SLC39A11: variants seen among roughly 807,000 people sequenced by gnomAD.
SLC39A11 encodes the protein zinc transporter ZIP11.
In SLC39A11, 33 loss-of-function variants were observed where a neutral mutation model predicts 36.1. The observed-to-expected ratio is 0.91, with a 90% CI of 0.69 to 1.22. The LOEUF (loss-of-function observed/expected upper bound fraction) is 1.22, where lower values mean the gene tolerates loss of function less well. SLC39A11 is among the 50% of genes most tolerant of loss of function. SLC39A11 has a pLI of 0.00. For synonymous variants in SLC39A11, 166 were observed against 170.3 expected (o/e 0.97, Z 0.20); for missense variants, 432 against 430.3 (o/e 1.00, Z -0.03).
At chr17:72,978,318 G>A (rs1361276758) in intron 4 of SLC39A11, among the ~76,000 whole-genome samples, 2 of 152,214 alleles carry the variant, frequency 1.3e-5, no homozygotes, top group South Asian at 2.1e-4. Flanking sequence ...TGGTGTTGGC[G>A]ACACGGCCAA....
At chr17:72,874,455 G>A (rs761735042) in intron 5 of SLC39A11, among the ~76,000 whole-genome samples, 6 of 152,138 alleles carry the variant, frequency 3.9e-5, no homozygotes, top group Non-Finnish European at 5.9e-5. Context: ...AAGCTGAGGC[G>A]TCCATCTGCA....
chr17:73,058,782 ATC>A (rs2059750312), intron 3 of SLC39A11, among the ~76,000 whole-genome samples: 1 of 152,160 alleles, frequency 6.6e-6, no homozygotes, highest in African/African-American at 2.4e-5. Context: ...CTTTTGTAGG[ATC>A]TGTCTTTTGG....
Position 72,917,281 on chromosome 17 carries a change from G to A in SLC39A11, c.430+30471C>T, listed in dbSNP as rs186429527. On this transcript the variant is annotated intron_variant, in intron 5 of 9. Transcript: ENST00000255559. Reference sequence around the variant, plus strand: ...AAATCATTCTGCTTTCCCAGCATTTGCTAAGCATCTGTCAGGCGCCAAGCA... The same window carrying A: ...AAATCATTCTGCTTTCCCAGCATTTACTAAGCATCTGTCAGGCGCCAAGCA... Among the ~76,000 whole-genome samples, 7 of 152,346 alleles carry A rather than the reference G, an allele frequency of 4.6e-5. 1 individual carries two copies. Among genetic ancestry groups the A allele is most frequent in the Admixed American group, 3.3e-4 (5 of 15,294 alleles).
chr17:73,071,632 T>G (rs913966728), intron 3 of SLC39A11, among the ~76,000 whole-genome samples: 22 of 152,206 alleles, frequency 1.4e-4, no homozygotes, highest in Non-Finnish European at 2.8e-4. Context: ...TCATAAACAT[T>G]GCATCAGGGG....
chr17:72,827,594 G>T (rs1340209745), intron 6 of SLC39A11, among the ~76,000 whole-genome samples: 1 of 152,244 alleles, frequency 6.6e-6, no homozygotes, highest in African/African-American at 2.4e-5. Context: ...CCCAGGTGGG[G>T]AGACACCAGG....
chr17:72,855,098 G>C (rs1440223646), intron 5 of SLC39A11, among the ~76,000 whole-genome samples: 1 of 152,206 alleles, frequency 6.6e-6, no homozygotes, highest in Non-Finnish European at 1.5e-5. Context: ...AAACCATTTT[G>C]GATCAGCAAC....
intron 5 of SLC39A11, among the ~76,000 whole-genome samples, chr17:72,910,763 C>A (rs942027822): frequency 8.5e-6 from 1 of 117,186 alleles, no homozygotes; most frequent in African/African-American, 3.1e-5. Context: ...CTCATCTCTA[C>A]TAAAAATATA....
chr17:73,000,752 C>G (rs2148389451), intron 4 of SLC39A11, among the ~76,000 whole-genome samples: 1 of 152,350 alleles, frequency 6.6e-6, no homozygotes, highest in South Asian at 2.1e-4. Context: ...TAAAATCCTA[C>G]ATTGACTCTC....
chr17:73,062,475 A>AAAAAAAAAAAAAAAAAAC (rs56021607), intron 3 of SLC39A11, among the ~76,000 whole-genome samples: 6,262 of 86,414 alleles, frequency 0.072, 1,292 homozygotes, highest in African/African-American at 0.084. Flanking sequence ...AAAAAAAAAA[A>AAAAAAAAAAAAAAAAAAC]AAACTTTAGG....
chr17:73,021,937 C>A (rs74463211), intron 4 of SLC39A11, among the ~76,000 whole-genome samples: 1 of 152,236 alleles, frequency 6.6e-6, no homozygotes, highest in African/African-American at 2.4e-5. Context: ...AGCCAGCCCA[C>A]GCAGTGCGTG....
At chr17:72,676,116 AG>A (rs1237556408) in intron 7 of SLC39A11, among the ~76,000 whole-genome samples, 3 of 150,344 alleles carry the variant, frequency 2.0e-5, no homozygotes, top group Non-Finnish European at 4.4e-5. Flanking sequence ...GCTGTATTAA[AG>A]CAACTCTCTT....
At chr17:73,021,929 C>T in intron 4 of SLC39A11, among the ~76,000 whole-genome samples, 1 of 152,268 alleles carries the variant, frequency 6.6e-6, no homozygotes, top group East Asian at 1.9e-4. Context: ...CCTCAGCAAG[C>T]CAGCCCACGC....
At position 72,685,218 on chromosome 17, in the gene SLC39A11, C is replaced by T. The variant is rs1010812296; in HGVS notation, c.672-35950G>A. Among the ~76,000 whole-genome samples the T allele has an allele frequency of 1.6e-4, 22 of 137,238 alleles. 1 individual carries two copies. The highest frequency in any genetic ancestry group is 9.5e-4 in the Admixed American group (13 of 13,722). The allele number at this position is 137,238 out of a possible 152,430, so 90.0% of individuals were successfully genotyped here. ...GGTGGTATGCAAACAGATACCCCCA[C>T]GCTGGACACTCTGCTCCGATGCTAC... On this transcript the variant is annotated intron_variant, in intron 7 of 9. Transcript: ENST00000255559.
chr17:72,713,294 G>A (rs1029505673), intron 7 of SLC39A11, among the ~76,000 whole-genome samples: 1 of 152,148 alleles, frequency 6.6e-6, no homozygotes, highest in Non-Finnish European at 1.5e-5. Context: ...GCCAAGCACA[G>A]GTGAGCAGCA....
intron 6 of SLC39A11, among the ~76,000 whole-genome samples, chr17:72,766,668 T>C (rs968240169): frequency 1.3e-5 from 2 of 152,214 alleles, no homozygotes; most frequent in African/African-American, 4.8e-5. Flanking sequence ...CAGAGAAACC[T>C]TTCCTGGCCT....
intron 6 of SLC39A11, 103 bp downstream of exon 6, chr17:72,849,530 AC>A: frequency 8.1e-7 from 1 of 1,227,646 alleles, no homozygotes; most frequent in East Asian, 2.6e-5. Flanking sequence ...TCCAAAAAGG[AC>A]CCACGTCACA....
At chr17:72,689,756 C>G (rs1025172390) in intron 7 of SLC39A11, among the ~76,000 whole-genome samples, 1 of 152,090 alleles carries the variant, frequency 6.6e-6, no homozygotes, top group African/African-American at 2.4e-5. Flanking sequence ...TCCATAGCAA[C>G]GGTAGATGGA....
In SLC39A11 at chr17:72,858,751, T is replaced by C. The variant is rs116671981; in HGVS notation, c.431-8947A>G. 6.2e-3 allele frequency among the ~76,000 whole-genome samples: 949 copies of C among 152,278 alleles called. 9 individuals carry two copies. Among genetic ancestry groups the C allele is most frequent in the African/African-American group, 0.022 (900 of 41,564 alleles). On this transcript the variant is annotated intron_variant, in intron 5 of 9. Coordinates refer to ENST00000255559, the MANE Select transcript of SLC39A11 (RefSeq NM_139177.4). ...TTCTTCTGGGGTCAATTGTGAATGG[T>C]ATTGCGTTCCTGGTTTGGTTCTCAG...
At chr17:72,788,709 G>C (rs532013189) in intron 6 of SLC39A11, among the ~76,000 whole-genome samples, 1 of 152,230 alleles carries the variant, frequency 6.6e-6, no homozygotes, top group Non-Finnish European at 1.5e-5. Flanking sequence ...ATGAGCCAAT[G>C]GTATACATTT....
Sources: allele counts gnomAD v4.1 joint callset (sites outside exome capture counted in the v4.1 genomes callset), GRCh38; gene constraint gnomAD v4.1.1; transcripts MANE v1.5; gene names NCBI Gene and HGNC (gene_info 2026-07-23, HGNC 2026-07-21).